PKP4: variants seen among roughly 807,000 people sequenced by gnomAD.
PKP4 encodes plakophilin 4, also known as plakophilin-4.
A neutral mutation model predicts 145.1 loss-of-function variants in PKP4; 90 were observed. The ratio of observed to expected loss-of-function variants is 0.62; its 90% CI spans 0.52 to 0.74. The LOEUF (loss-of-function observed/expected upper bound fraction) is 0.74. Among genes scored for constraint, PKP4 ranks in the 30% least tolerant of loss-of-function variants. The pLI, the probability that PKP4 is intolerant of heterozygous loss-of-function variation, is 0.00. For synonymous variants in PKP4, 563 were observed against 577.2 expected, an observed-to-expected ratio of 0.98 and a Z score of 0.35; for missense variants, 1,340 against 1,482.7, an observed-to-expected ratio of 0.90 and a Z score of 1.58.
intron 1 of PKP4, among the ~76,000 whole-genome samples, chr2:158,503,160 A>G (rs1442975517): frequency 6.6e-6 from 1 of 152,260 alleles, no homozygotes; most frequent in African/African-American, 2.4e-5. Context: ...AGATGATGTA[A>G]GCAATATCCA....
intron 11 of PKP4, among the ~76,000 whole-genome samples, chr2:158,653,860 T>C (rs2055637412): frequency 6.6e-6 from 1 of 152,224 alleles, no homozygotes; most frequent in Non-Finnish European, 1.5e-5. Context: ...TGGGAGTTGG[T>C]GTATTCTCTA....
chr2:158,619,134 A>G (rs1223666052), intron 4 of PKP4, among the ~76,000 whole-genome samples: 2 of 152,156 alleles, frequency 1.3e-5, no homozygotes, highest in East Asian at 1.9e-4. Context: ...AGCTATTCCA[A>G]TTCCTTGGTA....
Position 158,680,858 on chromosome 2 carries a change from C to T in PKP4, c.*181C>T, listed in dbSNP as rs1177556504. 3.4e-6 allele frequency: 2 copies of T among 585,954 alleles called. No individual in the cohort carries two copies. Among genetic ancestry groups the T allele is most frequent in the East Asian group, 2.9e-5 (1 of 34,996 alleles). The allele number at this position is 585,954 out of a possible 1,614,324, so 36.3% of individuals were successfully genotyped here. Reference sequence around the variant, plus strand: ...AAGTGAGGAAATGTTTGGGAGAGGACTTTCTAAGCTCTATTTAGGTGTTAG... The same window carrying T: ...AAGTGAGGAAATGTTTGGGAGAGGATTTTCTAAGCTCTATTTAGGTGTTAG... On this transcript the variant is annotated 3_prime_UTR_variant, in exon 22 of 22. Coordinates refer to ENST00000389759, the MANE Select transcript of PKP4 (RefSeq NM_003628.6).
chr2:158,614,171 G>C (rs2051382236), intron 4 of PKP4, among the ~76,000 whole-genome samples: 1 of 152,190 alleles, frequency 6.6e-6, no homozygotes, highest in Admixed American at 6.5e-5. Flanking sequence ...GAAGTATTTA[G>C]AGTTGAAATG....
intron 11 of PKP4, among the ~76,000 whole-genome samples, chr2:158,654,484 A>G (rs1444124732): frequency 2.6e-5 from 4 of 152,170 alleles, no homozygotes; most frequent in Non-Finnish European, 5.9e-5. Flanking sequence ...TAACAACTTT[A>G]TATTTTATAA....
chr2:158,464,554 T>A (rs1573922862), intron 1 of PKP4, among the ~76,000 whole-genome samples: 1 of 152,268 alleles, frequency 6.6e-6, no homozygotes, highest in Non-Finnish European at 1.5e-5. Flanking sequence ...CCTTTGCTAA[T>A]GCAATAAGCA....
chr2:158,555,333 C>T (rs1452885266), intron 2 of PKP4, among the ~76,000 whole-genome samples: 2 of 152,346 alleles, frequency 1.3e-5, no homozygotes, highest in East Asian at 3.9e-4. Flanking sequence ...CCACCTTTCC[C>T]ATACATGTGT....
intron 3 of PKP4, among the ~76,000 whole-genome samples, chr2:158,583,247 G>A (rs1036652031): frequency 1.3e-5 from 2 of 152,174 alleles, no homozygotes; most frequent in African/African-American, 2.4e-5. Flanking sequence ...AGATTTCACT[G>A]GATACAGTGA....
At chr2:158,629,290 C>T (rs1015033602) in intron 7 of PKP4, among the ~76,000 whole-genome samples, 1 of 152,140 alleles carries the variant, frequency 6.6e-6, no homozygotes, top group Non-Finnish European at 1.5e-5. Context: ...TGTGCCGTTG[C>T]TCCATGAGGG....
intron 6 of PKP4, among the ~76,000 whole-genome samples, 171 bp downstream of exon 6, chr2:158,621,592 A>G (rs962672875): frequency 1.3e-5 from 2 of 152,058 alleles, no homozygotes; most frequent in African/African-American, 4.8e-5. Context: ...CTAAAAATAC[A>G]AAAATTAGCC....
chr2:158,549,836 G>A (rs558594483), intron 2 of PKP4, among the ~76,000 whole-genome samples: 1 of 152,148 alleles, frequency 6.6e-6, no homozygotes, highest in African/African-American at 2.4e-5. Context: ...CATAAAACAT[G>A]TTTTTTTCCA....
At chr2:158,536,333 T>C (rs1215710794) in intron 2 of PKP4, among the ~76,000 whole-genome samples, 1 of 152,234 alleles carries the variant, frequency 6.6e-6, no homozygotes, top group Non-Finnish European at 1.5e-5. Flanking sequence ...ATGAACATGC[T>C]AATTTATTGC....
At chr2:158,489,762 A>G (rs919666669) in intron 1 of PKP4, among the ~76,000 whole-genome samples, 2 of 152,260 alleles carry the variant, frequency 1.3e-5, no homozygotes, top group African/African-American at 2.4e-5. Context: ...TTGCAAATCA[A>G]TTTAAGCTGT....
chr2:158,579,602 TCATTGCAGCAC>T (rs2048154471), intron 3 of PKP4, among the ~76,000 whole-genome samples: 1 of 152,094 alleles, frequency 6.6e-6, no homozygotes, highest in Non-Finnish European at 1.5e-5. Context: ...CAAAGCATGC[TCATTGCAGCAC>T]CATTTGCAAA....
At chr2:158,568,524 C>T (rs2047178900) in intron 2 of PKP4, among the ~76,000 whole-genome samples, 1 of 151,998 alleles carries the variant, frequency 6.6e-6, no homozygotes, top group African/African-American at 2.4e-5. Flanking sequence ...CATGGTTTAC[C>T]CATCATTTAG....
chr2:158,471,842 C>G (rs1034003329), intron 1 of PKP4, among the ~76,000 whole-genome samples: 6 of 152,154 alleles, frequency 3.9e-5, no homozygotes, highest in Non-Finnish European at 8.8e-5. Flanking sequence ...TTAAACACTT[C>G]TGATTATTGA....
At chr2:158,475,834 G>GTTC (rs1481729526) in intron 1 of PKP4, among the ~76,000 whole-genome samples, 1 of 152,174 alleles carries the variant, frequency 6.6e-6, no homozygotes, top group Non-Finnish European at 1.5e-5. Flanking sequence ...ATGCACTGAA[G>GTTC]TTCTTGTCTT....
intron 6 of PKP4, among the ~76,000 whole-genome samples, chr2:158,623,388 G>T (rs2052443907): frequency 6.6e-6 from 1 of 151,962 alleles, no homozygotes; most frequent in Admixed American, 6.5e-5. Context: ...TCACTATGTT[G>T]CCCTGGCTGG....
In PKP4 at chr2:158,555,817, C is replaced by T. The variant is rs371457189; in HGVS notation, c.133-21454C>T. Among the ~76,000 whole-genome samples, 50 of 152,294 alleles carry T rather than the reference C, an allele frequency of 3.3e-4. No individual in the cohort carries two copies. The East Asian group carries it at 8.7e-3, about 26-fold the overall frequency. On this transcript the variant is annotated intron_variant, in intron 2 of 21. Transcript: ENST00000389759. ...CACAGACATAAACTGGTTTTTTCTT[C>T]TGTGGCCTATTTTTTTGTTTGTTCT... is the stretch of plus-strand genomic sequence containing the variant.
Sources: allele counts gnomAD v4.1 joint callset (sites outside exome capture counted in the v4.1 genomes callset), GRCh38; gene constraint gnomAD v4.1.1; transcripts MANE v1.5; gene names NCBI Gene and HGNC (gene_info 2026-07-23, HGNC 2026-07-21).